Variants in UBR7 observed in about 807,000 individuals in gnomAD.
UBR7 encodes putative E3 ubiquitin-protein ligase UBR7.
A neutral mutation model predicts 57.0 loss-of-function variants in UBR7; 22 were observed. That is an observed-to-expected ratio of 0.39 (90% CI 0.28 to 0.55). The LOEUF is 0.55. Ranked by LOEUF, UBR7 falls within the 20% of genes least tolerant of loss-of-function variation. UBR7 has a pLI of 0.69. For synonymous variants in UBR7, 167 were observed against 179.8 expected (o/e 0.93, Z 0.57); for missense variants, 395 against 513.2 (o/e 0.77, Z 2.23).
At chr14:93,223,542 G>C in intron 10 of UBR7, 1 of 659,050 alleles carries the variant, frequency 1.5e-6, no homozygotes, top group Non-Finnish European at 2.6e-6. Flanking sequence ...TTTCTTTTTT[G>C]GGGTGGGGGG....
At position 93,210,636 on chromosome 14, in the gene UBR7, T is replaced by C. The variant is rs932338576; in HGVS notation, c.285-12T>C. 2 of 1,593,352 alleles carry C rather than the reference T, an allele frequency of 1.3e-6. No homozygotes were observed. Among genetic ancestry groups the C allele is most frequent in the Non-Finnish European group, 1.7e-6 (2 of 1,167,270 alleles). ...AAAGAAAAATAAAATTGTTATTTCC[T>C]CCTTTTTTCAGAAATTTTCGTTGTG... On this transcript the variant is annotated splice_polypyrimidine_tract_variant and intron_variant, in intron 2 of 10. Coordinates refer to ENST00000013070, the MANE Select transcript of UBR7 (RefSeq NM_175748.4).
chr14:93,209,103 G>A (rs770235638), intron 1 of UBR7, among the ~76,000 whole-genome samples: 4 of 152,120 alleles, frequency 2.6e-5, no homozygotes, highest in Non-Finnish European at 5.9e-5. Flanking sequence ...GTGAGCCACC[G>A]TGCCCAGCCT....
rs537717452 is a variant in UBR7 at position 93,224,553 on chromosome 14, A to AT, written c.1185+2184dup. On this transcript the variant is annotated intron_variant, in intron 10 of 10. Transcript: ENST00000013070. ...CCACCACGCCCGGCTAATGTTTTGTATTTTTAGTAGAGACGGGGTTTCACC... is the reference window on the plus strand; with the variant it reads ...CCACCACGCCCGGCTAATGTTTTGTATTTTTTAGTAGAGACGGGGTTTCACC... 9.9e-3 allele frequency among the ~76,000 whole-genome samples: 1,496 copies of AT among 151,728 alleles called. 29 individuals are homozygous for AT. The highest frequency in any genetic ancestry group is 0.035 in the African/African-American group (1,427 of 41,338).
At chr14:93,214,830 T>G in intron 4 of UBR7, 99 bp from the exon 5 acceptor site, 2 of 1,080,008 alleles carry the variant, frequency 1.9e-6, no homozygotes, top group South Asian at 2.6e-5. Context: ...CACCAGTTCA[T>G]GTAGAACAAA....
At chr14:93,223,971 T>G (rs1363343361) in intron 10 of UBR7, 8 of 743,158 alleles carry the variant, frequency 1.1e-5, no homozygotes, top group African/African-American at 5.2e-5. Context: ...CCTGAAGACT[T>G]CTTCATCTTT....
chr14:93,222,892 G>T (rs965648063), intron 10 of UBR7, among the ~76,000 whole-genome samples: 1 of 152,168 alleles, frequency 6.6e-6, no homozygotes, highest in Non-Finnish European at 1.5e-5. Context: ...CAGCTAAGCC[G>T]GGAAGAATGA....
At chr14:93,209,141 C>T (rs1173828663) in intron 1 of UBR7, among the ~76,000 whole-genome samples, 1 of 152,130 alleles carries the variant, frequency 6.6e-6, no homozygotes, top group Non-Finnish European at 1.5e-5. Flanking sequence ...CATTTTGTCA[C>T]ATTTGTTTTA....
chr14:93,223,054 A>T (rs1279927346), intron 10 of UBR7, among the ~76,000 whole-genome samples: 2 of 152,164 alleles, frequency 1.3e-5, no homozygotes, highest in African/African-American at 2.4e-5. Flanking sequence ...AGGAAAAATT[A>T]ACACCAGACC....
At chr14:93,220,532 C>G in intron 9 of UBR7, 121 bp downstream of exon 9, 1 of 1,192,756 alleles carries the variant, frequency 8.4e-7, no homozygotes, top group African/African-American at 1.5e-5. Flanking sequence ...GAATTTTAGA[C>G]CATTGCTTGA....
At position 93,222,457 on chromosome 14, in the gene UBR7, G is replaced by A. The variant is rs1250452835; in HGVS notation, c.1185+83G>A. ...TTTCCTTTGACGATTAAAAATGACT[G>A]CGACTGGCGGGGTGCGGTGGCTCAC... On this transcript the variant is annotated intron_variant, in intron 10 of 10. Coordinates refer to ENST00000013070, the MANE Select transcript of UBR7 (RefSeq NM_175748.4). 3.7e-6 allele frequency: 4 copies of A among 1,091,946 alleles called. No individual in the cohort carries two copies. The East Asian group carries it at 9.6e-5, about 26-fold the overall frequency. The allele number at this position is 1,091,946 out of a possible 1,614,324, so 67.6% of individuals were successfully genotyped here. A position where few individuals can be genotyped will look rare whatever the true frequency, so the allele number is the denominator to read the frequency against.
chr14:93,218,539 C>G lies in UBR7; in HGVS notation c.614C>G (p.Ser205Cys). 1 of 1,613,938 alleles carries G rather than the reference C, an allele frequency of 6.2e-7. No individual in the cohort carries two copies. Among genetic ancestry groups the G allele is most frequent in the Non-Finnish European group, 8.5e-7 (1 of 1,180,000 alleles). The change falls in exon 7 of 11, where the codon TCC becomes TGC. Residue 205 changes from serine (S) to cysteine (C), a missense_variant. Physicochemically the swap from Ser to Cys is moderately radical, Grantham distance 112. Transcript: ENST00000013070. ...YAAQLAVTKI[S>C]TEDDGLVRNI... is the part of the protein sequence containing the mutation. ...TTTGAACTCACAGTAACCAAAATAT[C>G]CACTGAGGATGATGGATTGGTGCGG...
At chr14:93,211,948 G>A (rs190342859) in intron 3 of UBR7, 84 bp from the exon 4 acceptor site, 8 of 1,072,978 alleles carry the variant, frequency 7.5e-6, no homozygotes, top group East Asian at 5.3e-5. Flanking sequence ...ATGTGGAAAT[G>A]TATTGAATGC....
At chr14:93,224,759 T>A (rs1022609453) in intron 10 of UBR7, among the ~76,000 whole-genome samples, 1 of 152,172 alleles carries the variant, frequency 6.6e-6, no homozygotes, top group African/African-American at 2.4e-5. Context: ...GACTCAAGCT[T>A]CTTTGGTGCT....
At chr14:93,220,226 T>C (rs200546718) in intron 8 of UBR7, 23 bp from the exon 9 acceptor site, 1,066 of 1,247,510 alleles carry the variant, frequency 8.5e-4, no homozygotes, top group Non-Finnish European at 1.1e-3. Flanking sequence ...CTCTTTCTTT[T>C]TTTTTTTTTT....
chr14:93,228,836 G>C lies in UBR7; in HGVS notation c.*1801G>C, dbSNP rs1894928908. 1 of 453,956 alleles carries C rather than the reference G, an allele frequency of 2.2e-6. No individual in the cohort carries two copies. The highest frequency in any genetic ancestry group is 2.0e-5 in the African/African-American group (1 of 49,980). The allele number at this position is 453,956 out of a possible 1,614,324, so 28.1% of individuals were successfully genotyped here. On this transcript the variant is annotated 3_prime_UTR_variant, in exon 11 of 11. Transcript: ENST00000013070. ...TACCAGAAAGTCCCTTACTTCCTATGACCAATCAGGACCAAGTCTTGGAGG... is the reference window on the plus strand; with the variant it reads ...TACCAGAAAGTCCCTTACTTCCTATCACCAATCAGGACCAAGTCTTGGAGG...
rs1894863309 is a variant in UBR7, at chr14:93,226,825, G to A, written c.1186-118G>A. ...AAAAAAAAAAAAAATAGAAAATGGA[G>A]ATGTTATCATTAACATAATTCTTAA... is the stretch of plus-strand genomic sequence containing the variant. On this transcript the variant is annotated intron_variant, in intron 10 of 10. Transcript: ENST00000013070. The A allele has an allele frequency of 8.8e-5, 49 of 559,712 alleles. 1 individual carries two copies. The highest frequency in any genetic ancestry group is 8.5e-4 in the South Asian group (48 of 56,554). 34.7% of individuals were successfully genotyped at this position (559,712 alleles called of 1,614,324 possible). A position where few individuals can be genotyped will look rare whatever the true frequency, so the allele number is the denominator to read the frequency against.
Position 93,214,994 on chromosome 14 carries a change from G to A in UBR7, c.495+12G>A. The A allele has an allele frequency of 6.2e-7, 1 of 1,611,248 alleles. No homozygotes were observed. The highest frequency in any genetic ancestry group is 1.1e-5 in the South Asian group (1 of 90,802). ...GGTTCCATGGAAGGGTAAGGAAAAT[G>A]TTCCACCTTTTGAAACCATTGTTGT... On this transcript the variant is annotated intron_variant, in intron 5 of 10. Transcript: ENST00000013070.
Position 93,207,452 on chromosome 14 carries a change from G to A in UBR7, c.150+11G>A. On this transcript the variant is annotated intron_variant, in intron 1 of 10. Transcript: ENST00000013070. ...TGCTCCTACTCTCAGGTGGGCGCGCGGCCCGGGCCTCCTCTCCCCCGGCTC... is the reference window on the plus strand; with the variant it reads ...TGCTCCTACTCTCAGGTGGGCGCGCAGCCCGGGCCTCCTCTCCCCCGGCTC... 2 of 1,541,842 alleles carry A rather than the reference G, an allele frequency of 1.3e-6. No individual in the cohort carries two copies. Among genetic ancestry groups the A allele is most frequent in the Non-Finnish European group, 1.7e-6 (2 of 1,146,180 alleles).
chr14:93,222,917 C>G (rs1342475544), intron 10 of UBR7, among the ~76,000 whole-genome samples: 1 of 152,108 alleles, frequency 6.6e-6, no homozygotes, highest in Non-Finnish European at 1.5e-5. Context: ...AGGGCGCAGT[C>G]CCACAGCCTC....
Sources: gnomAD v4.1 joint callset for allele counts (sites outside exome capture counted in the v4.1 genomes callset) on GRCh38, gnomAD v4.1.1 for gene constraint, MANE v1.5 for transcripts, NCBI Gene and HGNC (gene_info 2026-07-23, HGNC 2026-07-21) for gene names.